The following MTMR2 variants were observed in gnomAD, a reference collection of about 807,000 sequenced individuals.
MTMR2 encodes myotubularin related protein 2, also known as phosphatidylinositol-3,5-bisphosphate 3-phosphatase MTMR2.
In MTMR2, 55 loss-of-function variants were observed where a neutral mutation model predicts 86.9. The observed-to-expected ratio is 0.63, with a 90% CI of 0.51 to 0.79. The LOEUF is 0.79. MTMR2 is among the 30% of genes least tolerant of loss of function. The pLI, the probability that MTMR2 is intolerant of heterozygous loss-of-function variation, is 0.00. For synonymous variants in MTMR2, 241 were observed against 266.8 expected (o/e 0.90, Z 0.94); for missense variants, 659 against 772.3 (o/e 0.85, Z 1.74).
Position 95,835,249 on chromosome 11 carries a change from T to A in MTMR2, c.*41A>T, listed in dbSNP as rs1409196941. 1 of 1,604,316 alleles carries A rather than the reference T, an allele frequency of 6.2e-7. No homozygotes were observed. The highest frequency in any genetic ancestry group is 1.1e-5 in the South Asian group (1 of 90,794). On this transcript the variant is annotated 3_prime_UTR_variant, in exon 15 of 15. Transcript: ENST00000346299. ...TCTACTCATAGAGCTGCCAGTGTAA[T>A]CAAGAGTGTATAGCAATGATGCCCC...
chr11:95,922,746 G>A (rs887661307), intron 1 of MTMR2, among the ~76,000 whole-genome samples: 1 of 152,194 alleles, frequency 6.6e-6, no homozygotes, highest in African/African-American at 2.4e-5. Context: ...AGGGAGCTAT[G>A]AGTGCATATG....
intron 13 of MTMR2, among the ~76,000 whole-genome samples, chr11:95,836,760 G>A (rs897701178): frequency 5.9e-5 from 9 of 151,942 alleles, no homozygotes; most frequent in African/African-American, 2.2e-4. Context: ...TAAAGGAAAG[G>A]AGCTAGACAC....
At chr11:95,909,642 GTTT>G (rs887468992) in intron 1 of MTMR2, among the ~76,000 whole-genome samples, 1 of 150,172 alleles carries the variant, frequency 6.7e-6, no homozygotes, top group African/African-American at 2.4e-5. Flanking sequence ...CCTTTATTTT[GTTT>G]TTTTTTAACC....
At chr11:95,857,393 T>C (rs564467377) in intron 7 of MTMR2, among the ~76,000 whole-genome samples, 159 bp downstream of exon 7, 11 of 152,228 alleles carry the variant, frequency 7.2e-5, no homozygotes, top group Admixed American at 6.5e-4. Context: ...AAGAATGATA[T>C]ACTAAAACAG....
chr11:95,902,278 C>T lies in MTMR2; in HGVS notation c.81-14017G>A, dbSNP rs575850386. Reference sequence around the variant, plus strand: ...CATTTCCTTATCCCCCAGCCTCCATCAGCAAGAGTTTAAAAAGGGCATTGG... The same window carrying T: ...CATTTCCTTATCCCCCAGCCTCCATTAGCAAGAGTTTAAAAAGGGCATTGG... On this transcript the variant is annotated intron_variant, in intron 1 of 14. Coordinates refer to ENST00000346299, the MANE Select transcript of MTMR2 (RefSeq NM_016156.6). Among the ~76,000 whole-genome samples the T allele has an allele frequency of 2.0e-5, 3 of 152,284 alleles. No homozygotes were observed. The South Asian group carries it at 6.2e-4, about 32-fold the overall frequency.
chr11:95,919,047 G>A (rs1866813882), intron 1 of MTMR2, among the ~76,000 whole-genome samples: 1 of 152,032 alleles, frequency 6.6e-6, no homozygotes, highest in African/African-American at 2.4e-5. Flanking sequence ...ATGTGACCCT[G>A]GCTGGTCTGG....
intron 7 of MTMR2, among the ~76,000 whole-genome samples, chr11:95,856,979 TTATAAC>T (rs1351759533): frequency 6.6e-5 from 10 of 152,276 alleles, no homozygotes; most frequent in African/African-American, 2.4e-4. Flanking sequence ...CCAAATAACT[TTATAAC>T]TGAATGAGGA....
chr11:95,898,084 T>C (rs1486869305), intron 1 of MTMR2, among the ~76,000 whole-genome samples: 1 of 152,114 alleles, frequency 6.6e-6, no homozygotes, highest in Non-Finnish European at 1.5e-5. Context: ...ATATGGTTTT[T>C]GTTCACAAGT....
At chr11:95,862,154 T>A (rs1864446068) in intron 4 of MTMR2, 52 bp from the exon 5 acceptor site, 1 of 1,546,950 alleles carries the variant, frequency 6.5e-7, no homozygotes, top group Admixed American at 1.7e-5. Flanking sequence ...TACTGTCCAA[T>A]TATAGAGCTG....
At chr11:95,896,944 A>C (rs2135570143) in intron 1 of MTMR2, among the ~76,000 whole-genome samples, 1 of 151,140 alleles carries the variant, frequency 6.6e-6, no homozygotes, top group African/African-American at 2.4e-5. Context: ...GTTTTTGACT[A>C]TGTTATTTTC....
intron 1 of MTMR2, chr11:95,914,294 A>G (rs1341047139): frequency 4.1e-6 from 4 of 974,018 alleles, no homozygotes. Flanking sequence ...TCAAATGTCA[A>G]TGGCTCTTAA....
chr11:95,903,947 T>C (rs1288479632), intron 1 of MTMR2, among the ~76,000 whole-genome samples: 13 of 152,046 alleles, frequency 8.6e-5, no homozygotes, highest in African/African-American at 3.1e-4. Flanking sequence ...ACCTCGTCTC[T>C]ACTAAAAATA....
At chr11:95,850,896 A>G in intron 7 of MTMR2, 147 bp from the exon 8 acceptor site, 1 of 749,632 alleles carries the variant, frequency 1.3e-6, no homozygotes, top group East Asian at 2.7e-5. Context: ...CTGTGGTATC[A>G]GGCTTTCAGG....
intron 1 of MTMR2, among the ~76,000 whole-genome samples, chr11:95,897,192 A>G (rs1314670877): frequency 6.6e-6 from 1 of 152,080 alleles, no homozygotes; most frequent in African/African-American, 2.4e-5. Flanking sequence ...AAGGTTAAGA[A>G]TCTTGGCCCC....
Position 95,836,177 on chromosome 11 carries a change from T to G in MTMR2, c.1741A>C (p.Ile581Leu), listed in dbSNP as rs149476960. 6.2e-7 allele frequency: 1 copy of G among 1,612,804 alleles called. No homozygotes were observed. Among genetic ancestry groups the G allele is most frequent in the Non-Finnish European group, 8.5e-7 (1 of 1,179,072 alleles). The change falls in exon 14 of 15, where the codon ATA (isoleucine) becomes CTA (leucine). Residue 581 changes from isoleucine (I) to leucine (L), a missense_variant. Ile to Leu is a conservative substitution (Grantham distance 5). Coordinates refer to ENST00000346299, the MANE Select transcript of MTMR2 (RefSeq NM_016156.6). The stretch of plus-strand genomic sequence containing the variant: ...GGTTTCATCCGTGGATTCCACCTTA[T>G]GTAATATCCCACCCAGAGCTCTAGG... ...RHLELWVGYY[I>L]RWNPRMKPQE...
intron 1 of MTMR2, among the ~76,000 whole-genome samples, chr11:95,899,873 G>C (rs1866008625): frequency 6.6e-6 from 1 of 152,088 alleles, no homozygotes; most frequent in African/African-American, 2.4e-5. Context: ...TATGTTCCGT[G>C]AATAAACCTC....
At chr11:95,847,343 GCAAA>G (rs1302096243) in intron 10 of MTMR2, among the ~76,000 whole-genome samples, 3 of 152,082 alleles carry the variant, frequency 2.0e-5, no homozygotes, top group African/African-American at 7.2e-5. Flanking sequence ...ACACACAAAA[GCAAA>G]CAAAGTACAC....
At chr11:95,909,789 A>C (rs752031755) in intron 1 of MTMR2, among the ~76,000 whole-genome samples, 1 of 152,158 alleles carries the variant, frequency 6.6e-6, no homozygotes, top group South Asian at 2.1e-4. Context: ...AATAAGGATC[A>C]AAAAGCAAGA....
At chr11:95,888,325 T>C (rs1865587677) in intron 1 of MTMR2, 64 bp from the exon 2 acceptor site, 2 of 1,054,976 alleles carry the variant, frequency 1.9e-6, no homozygotes, top group East Asian at 2.5e-5. Flanking sequence ...TTTCAGACAT[T>C]GTATTTAATA....
Sources: gnomAD v4.1 joint callset for allele counts (sites outside exome capture counted in the v4.1 genomes callset) on GRCh38, gnomAD v4.1.1 for gene constraint, MANE v1.5 for transcripts, NCBI Gene and HGNC (gene_info 2026-07-23, HGNC 2026-07-21) for gene names.